IPO11: variants seen among roughly 807,000 people sequenced by gnomAD.
IPO11 encodes importin-11.
IPO11 carries 66 observed loss-of-function variants against 143.2 expected under a neutral mutation model. That is an observed-to-expected ratio of 0.46 (90% CI 0.38 to 0.57). The LOEUF is 0.57. IPO11 is among the 20% of genes least tolerant of loss of function. The pLI, the probability that IPO11 is intolerant of heterozygous loss-of-function variation, is 0.00. For synonymous variants in IPO11, 385 were observed against 377.8 expected, an observed-to-expected ratio of 1.02 and a Z score of -0.22; for missense variants, 1,026 against 1,141.0, an observed-to-expected ratio of 0.90 and a Z score of 1.45.
chr5:62,421,777 CTG>C, intron 1 of IPO11, among the ~76,000 whole-genome samples: 2 of 152,290 alleles, frequency 1.3e-5, no homozygotes, highest in South Asian at 4.1e-4. Flanking sequence ...TAGTGATTAA[CTG>C]TGGGATTATT....
At chr5:62,574,869 C>T (rs1015771629) in intron 27 of IPO11, among the ~76,000 whole-genome samples, 1 of 152,130 alleles carries the variant, frequency 6.6e-6, no homozygotes, top group African/African-American at 2.4e-5. Context: ...TCAGTACATC[C>T]TTAGAAAGTA....
At chr5:62,529,402 T>C (rs1443321943) in intron 21 of IPO11, among the ~76,000 whole-genome samples, 1 of 152,156 alleles carries the variant, frequency 6.6e-6, no homozygotes, top group Non-Finnish European at 1.5e-5. Flanking sequence ...AGAAACTTGA[T>C]TTCCTAGGAT....
intron 1 of IPO11, among the ~76,000 whole-genome samples, chr5:62,421,801 A>G (rs1268900194): frequency 6.6e-6 from 1 of 152,252 alleles, no homozygotes; most frequent in African/African-American, 2.4e-5. Context: ...CTTGGCATAC[A>G]GCACATGCAT....
intron 26 of IPO11, among the ~76,000 whole-genome samples, chr5:62,557,199 T>G (rs1212896346): frequency 6.6e-6 from 1 of 152,170 alleles, no homozygotes; most frequent in Non-Finnish European, 1.5e-5. Flanking sequence ...TCTTTTTTTT[T>G]TGAGACGGAG....
At chr5:62,575,522 C>A (rs1744285455) in intron 27 of IPO11, among the ~76,000 whole-genome samples, 1 of 152,086 alleles carries the variant, frequency 6.6e-6, no homozygotes, top group African/African-American at 2.4e-5. Flanking sequence ...TCCTTATAAT[C>A]TCTCTCCATC....
intron 27 of IPO11, among the ~76,000 whole-genome samples, chr5:62,570,831 CTTCTT>C (rs1178456297): frequency 6.6e-6 from 1 of 152,220 alleles, no homozygotes; most frequent in African/African-American, 2.4e-5. Flanking sequence ...CTGTGAGACA[CTTCTT>C]TTAAACATAT....
chr5:62,496,913 G>C (rs1315460739), intron 16 of IPO11, among the ~76,000 whole-genome samples: 1 of 152,202 alleles, frequency 6.6e-6, no homozygotes, highest in East Asian at 1.9e-4. Flanking sequence ...AGAGGTAAGA[G>C]ACATTCTCTG....
At chr5:62,532,303 T>G (rs1742575586) in intron 22 of IPO11, among the ~76,000 whole-genome samples, 1 of 152,186 alleles carries the variant, frequency 6.6e-6, no homozygotes, top group African/African-American at 2.4e-5. Flanking sequence ...TTAGTGTAGC[T>G]TTAGGTAAGT....
Position 62,561,123 on chromosome 5 carries a change from C to A in IPO11, c.2461-13C>A. 1.3e-6 allele frequency: 2 copies of A among 1,597,636 alleles called. No individual in the cohort carries two copies. The highest frequency in any genetic ancestry group is 1.7e-6 in the Non-Finnish European group (2 of 1,172,954). On this transcript the variant is annotated splice_polypyrimidine_tract_variant and intron_variant, in intron 26 of 29. Transcript: ENST00000325324. ...TTTTAGGTATTTTGAGATGCCTCCT[C>A]CTCTTGTTTCAGATGGACCAGCTTT...
At chr5:62,450,663 T>A (rs1205124264) in intron 4 of IPO11, among the ~76,000 whole-genome samples, 28 of 144,546 alleles carry the variant, frequency 1.9e-4, no homozygotes, top group African/African-American at 5.8e-4. Context: ...CCCCACCATT[T>A]AAAAAAAAAA....
At chr5:62,437,484 A>T in intron 2 of IPO11, 67 bp downstream of exon 2, 4 of 1,394,624 alleles carry the variant, frequency 2.9e-6, no homozygotes, top group Non-Finnish European at 3.9e-6. Context: ...TTGTTTTAAA[A>T]CCCTAGTTTT....
intron 5 of IPO11, among the ~76,000 whole-genome samples, chr5:62,461,609 C>T (rs1745359368): frequency 6.6e-6 from 1 of 152,132 alleles, no homozygotes; most frequent in South Asian, 2.1e-4. Flanking sequence ...TGAATTAGAA[C>T]TTTAAGAGAT....
rs573030727 is a variant in IPO11, at chr5:62,592,938, A to G, written c.2678+1266A>G. ...TTGGGTGGGGACACAGCCAAAAGAT[A>G]TCAATGGCACACGACTGTAAATTGT... On this transcript the variant is annotated intron_variant, in intron 28 of 29. Transcript: ENST00000325324. Among the ~76,000 whole-genome samples, 10 of 152,316 alleles carry G rather than the reference A, an allele frequency of 6.6e-5. No homozygotes were observed. The East Asian group carries it at 1.9e-3, about 29-fold the overall frequency.
At chr5:62,584,807 C>T (rs1277145476) in intron 27 of IPO11, among the ~76,000 whole-genome samples, 1 of 150,316 alleles carries the variant, frequency 6.7e-6, no homozygotes, top group Non-Finnish European at 1.5e-5. Context: ...AGCTGATAAG[C>T]TTGTGTGGCC....
rs1743960078 is a variant in IPO11 at position 62,566,841 on chromosome 5, A to T, written c.2582+5584A>T. ...ATTTTTGTCTGTGTAGTTTAAAAAGAATATATATATATGTGTGTGTATATA... is the reference window on the plus strand; with the variant it reads ...ATTTTTGTCTGTGTAGTTTAAAAAGTATATATATATATGTGTGTGTATATA... On this transcript the variant is annotated intron_variant, in intron 27 of 29. Coordinates refer to ENST00000325324, the MANE Select transcript of IPO11 (RefSeq NM_016338.5). Among the ~76,000 whole-genome samples the T allele has an allele frequency of 7.2e-5, 11 of 151,836 alleles. No individual in the cohort carries two copies. The South Asian group carries it at 2.3e-3, about 32-fold the overall frequency.
At chr5:62,523,308 A>ATT (rs1742261408) in intron 20 of IPO11, among the ~76,000 whole-genome samples, 1 of 152,182 alleles carries the variant, frequency 6.6e-6, no homozygotes, top group South Asian at 2.1e-4. Flanking sequence ...TCCAGATGTT[A>ATT]ACATAGTGAT....
At chr5:62,412,962 C>G (rs376856493) in intron 1 of IPO11, 33 bp downstream of exon 1, 17 of 151,090 alleles carry the variant, frequency 1.1e-4, no homozygotes, top group African/African-American at 3.9e-4. Flanking sequence ...ACCGAGCGCG[C>G]GGGAGTGGAA....
At chr5:62,515,987 T>A (rs1248662785) in intron 20 of IPO11, among the ~76,000 whole-genome samples, 1 of 152,192 alleles carries the variant, frequency 6.6e-6, no homozygotes, top group African/African-American at 2.4e-5. Context: ...GAGAGGAACC[T>A]GAAACTTAGA....
At chr5:62,598,545 T>TTTCTTTTC (rs1464076470) in intron 28 of IPO11, among the ~76,000 whole-genome samples, 1 of 9,044 alleles carries the variant, frequency 1.1e-4, no homozygotes, top group Non-Finnish European at 1.8e-4. Flanking sequence ...CTTTTCTTTC[T>TTTCTTTTC]TTTCTTTCTT....
Sources: allele counts gnomAD v4.1 joint callset (sites outside exome capture counted in the v4.1 genomes callset), GRCh38; gene constraint gnomAD v4.1.1; transcripts MANE v1.5; gene names NCBI Gene and HGNC (gene_info 2026-07-23, HGNC 2026-07-21).